The following CACNA1C variants were observed in gnomAD, a reference collection of about 807,000 sequenced individuals.
The protein encoded by CACNA1C is calcium voltage-gated channel subunit alpha1 C.
Under a neutral mutation model 229.0 loss-of-function variants are expected in CACNA1C, and 30 were observed. The ratio of observed to expected loss-of-function variants is 0.13; its 90% CI spans 0.10 to 0.18. The LOEUF (loss-of-function observed/expected upper bound fraction) is 0.18. CACNA1C is among the 10% of genes least tolerant of loss of function. CACNA1C has a pLI of 1.00. For missense variants in CACNA1C, 1,658 were observed against 2,845.0 expected, an observed-to-expected ratio of 0.58 and a Z score of 9.49; for synonymous variants, 1,114 against 1,132.5, an observed-to-expected ratio of 0.98 and a Z score of 0.33.
At chr12:2,506,683 A>C (rs1314389013) in intron 8 of CACNA1C, among the ~76,000 whole-genome samples, 1 of 152,220 alleles carries the variant, frequency 6.6e-6, no homozygotes, top group Non-Finnish European at 1.5e-5. Flanking sequence ...TGATTTGTAC[A>C]ACGTCACTTC....
intron 3 of CACNA1C, among the ~76,000 whole-genome samples, chr12:2,438,112 T>C (rs1467263418): frequency 1.3e-5 from 2 of 148,890 alleles, no homozygotes; most frequent in Admixed American, 6.7e-5. Context: ...ATGATAGTGA[T>C]AGTAGAGGTA....
intron 3 of CACNA1C, among the ~76,000 whole-genome samples, chr12:2,233,790 T>C (rs575413480): frequency 2.0e-5 from 3 of 152,166 alleles, no homozygotes; most frequent in African/African-American, 4.8e-5. Flanking sequence ...TCCTATGGGG[T>C]TGGGGTATAG....
intron 9 of CACNA1C, among the ~76,000 whole-genome samples, chr12:2,537,692 G>A (rs2099859061): frequency 6.6e-6 from 1 of 152,208 alleles, no homozygotes; most frequent in South Asian, 2.1e-4. Context: ...TGAGAACTGG[G>A]TTTCCAAAGG....
intron 3 of CACNA1C, among the ~76,000 whole-genome samples, chr12:2,407,750 G>A (rs554226527): frequency 1.3e-5 from 2 of 151,464 alleles, no homozygotes; most frequent in African/African-American, 2.5e-5. Flanking sequence ...GATAATAGCC[G>A]TCCTGATAAG....
rs1244419407 is a variant in CACNA1C, at chr12:2,410,928, T to C, written c.478-38048T>C. ...CCCTTCTCCTGGCTGCCTCCCATTG[T>C]GACATGGATTTTTCTCTCATCTTTC... On this transcript the variant is annotated intron_variant, in intron 3 of 46. Transcript: ENST00000399655. This position sits in a 1 kb window ranked among gnomAD's most constrained non-coding sequence, Gnocchi z 5.3. Among the ~76,000 whole-genome samples, 6 of 152,044 alleles carry C rather than the reference T, an allele frequency of 3.9e-5. No individual in the cohort carries two copies. The highest frequency in any genetic ancestry group is 7.4e-5 in the Non-Finnish European group (5 of 68,016).
intron 3 of CACNA1C, among the ~76,000 whole-genome samples, chr12:2,210,991 A>C (rs549010971): frequency 4.8e-4 from 73 of 152,294 alleles, no homozygotes; most frequent in Non-Finnish European, 9.4e-4. Context: ...TGGAGGAACT[A>C]TCTCTTGGGA....
At chr12:2,048,517 T>C (rs1331358058), upstream of CACNA1C, 4 of 152,416 alleles carry the variant, frequency 2.6e-5, no homozygotes, top group East Asian at 3.9e-4. Context: ...CTCCTAGCTC[T>C]CTACGACCAA....
intron 3 of CACNA1C, among the ~76,000 whole-genome samples, chr12:2,304,344 C>T (rs2154477302): frequency 6.6e-6 from 1 of 152,252 alleles, no homozygotes; most frequent in South Asian, 2.1e-4. Flanking sequence ...TTCCTTCCTT[C>T]AGGGTCAGGC....
intron 9 of CACNA1C, among the ~76,000 whole-genome samples, chr12:2,516,761 G>C (rs1266381121): frequency 1.3e-5 from 2 of 152,172 alleles, no homozygotes; most frequent in Admixed American, 6.5e-5. Flanking sequence ...AGACCTTTAA[G>C]TTTGAAGTGC....
At chr12:2,065,033 C>T (rs1036108778) in intron 1 of CACNA1C, among the ~76,000 whole-genome samples, 1 of 152,212 alleles carries the variant, frequency 6.6e-6, no homozygotes, top group African/African-American at 2.4e-5. Flanking sequence ...AAATTCCTCT[C>T]CTTTGGGCTC....
At chr12:2,477,929 T>C (rs1335787963) in intron 5 of CACNA1C, among the ~76,000 whole-genome samples, 25 of 151,954 alleles carry the variant, frequency 1.6e-4, no homozygotes. Flanking sequence ...AAATATCTAG[T>C]AGGCTTATGA....
At chr12:2,574,991 G>A (rs2057860865) in intron 13 of CACNA1C, among the ~76,000 whole-genome samples, 1 of 152,202 alleles carries the variant, frequency 6.6e-6, no homozygotes, top group South Asian at 2.1e-4. Flanking sequence ...TGTGGTTGGA[G>A]GGGCCAACTA....
chr12:2,402,586 G>A (rs868799138), intron 3 of CACNA1C, among the ~76,000 whole-genome samples: 65 of 152,394 alleles, frequency 4.3e-4, no homozygotes, highest in African/African-American at 1.5e-3. Flanking sequence ...TCTGTGAAAT[G>A]AGAATTTTAA....
At chr12:2,310,864 G>A (rs374632105) in intron 3 of CACNA1C, among the ~76,000 whole-genome samples, 5 of 152,306 alleles carry the variant, frequency 3.3e-5, no homozygotes, top group East Asian at 3.9e-4. Context: ...TGTGAATCCC[G>A]GAAGGTGCAC....
At chr12:2,495,483 A>T (rs2099744838) in intron 7 of CACNA1C, among the ~76,000 whole-genome samples, 1 of 152,134 alleles carries the variant, frequency 6.6e-6, no homozygotes, top group Non-Finnish European at 1.5e-5. Flanking sequence ...TTGCTGATGT[A>T]TTTTTGTGTT....
chr12:2,293,542 C>CAT (rs1458669706), intron 3 of CACNA1C, among the ~76,000 whole-genome samples: 1 of 152,218 alleles, frequency 6.6e-6, no homozygotes, highest in Non-Finnish European at 1.5e-5. Flanking sequence ...CATAAACTTT[C>CAT]ATAAAACAGT....
intron 1 of CACNA1C, among the ~76,000 whole-genome samples, chr12:2,037,179 G>C (rs977960193): frequency 6.6e-6 from 1 of 152,200 alleles, no homozygotes; most frequent in Non-Finnish European, 1.5e-5. Flanking sequence ...GGAGTAAACA[G>C]AGCTTCAGCC....
chr12:2,565,324 G>A lies in CACNA1C; in HGVS notation c.1509-1098G>A, dbSNP rs551476415. Reference sequence around the variant, plus strand: ...CTACTAAAAATACAAAAAATTAGCCGGGCGCGGTGGCGGGCGCCTGTAGTC... The same window carrying A: ...CTACTAAAAATACAAAAAATTAGCCAGGCGCGGTGGCGGGCGCCTGTAGTC... On this transcript the variant is annotated intron_variant, in intron 11 of 46. Coordinates refer to ENST00000399655, the MANE Select transcript of CACNA1C (RefSeq NM_000719.7). Among the ~76,000 whole-genome samples the A allele has an allele frequency of 7.4e-4, 113 of 151,834 alleles. 1 individual carries two copies. In the East Asian group the frequency reaches 0.013, roughly 17 times the overall value.
At chr12:2,042,772 G>A (rs2050347327) in intron 1 of CACNA1C, among the ~76,000 whole-genome samples, 1 of 152,204 alleles carries the variant, frequency 6.6e-6, no homozygotes, top group Non-Finnish European at 1.5e-5. Flanking sequence ...GAGCACATAT[G>A]AAAGTTGAGG....
Sources: gnomAD v4.1 joint callset for allele counts (sites outside exome capture counted in the v4.1 genomes callset) on GRCh38, gnomAD v4.1.1 for gene constraint, Gnocchi (gnomAD v3.1) non-coding constraint, MANE v1.5 for transcripts, NCBI Gene and HGNC (gene_info 2026-07-23, HGNC 2026-07-21) for gene names.